The following SCYL2 variants were observed in gnomAD, a reference collection of about 807,000 sequenced individuals.
The protein encoded by SCYL2 is SCY1 like pseudokinase 2.
A neutral mutation model predicts 100.4 loss-of-function variants in SCYL2; 36 were observed. The ratio of observed to expected loss-of-function variants is 0.36; its 90% CI spans 0.27 to 0.47. SCYL2 has a LOEUF of 0.47. Ranked by LOEUF, SCYL2 falls within the 20% of genes least tolerant of loss-of-function variation. The probability of loss-of-function intolerance (pLI) is 1.00; values close to 1 mark genes in which losing one functional copy is unlikely to be tolerated. For missense variants in SCYL2, 902 were observed against 1,083.9 expected (o/e 0.83, Z 2.36); for synonymous variants, 330 against 359.2 (o/e 0.92, Z 0.92).
intron 3 of SCYL2, among the ~76,000 whole-genome samples, chr12:100,293,004 A>C (rs1242246071): frequency 6.6e-6 from 1 of 151,998 alleles, no homozygotes; most frequent in East Asian, 1.9e-4. Context: ...TTAATTTAAA[A>C]ATTTTTTGTT....
At chr12:100,330,884 A>G (rs185652640) in intron 13 of SCYL2, among the ~76,000 whole-genome samples, 5 of 142,658 alleles carry the variant, frequency 3.5e-5, no homozygotes, top group Admixed American at 2.9e-4. Flanking sequence ...ACTGGAGTGC[A>G]GTGGAGCAAT....
intron 12 of SCYL2, among the ~76,000 whole-genome samples, chr12:100,327,905 T>A (rs577240401): frequency 6.6e-6 from 1 of 152,304 alleles, no homozygotes; most frequent in South Asian, 2.1e-4. Flanking sequence ...TGGGAATGGT[T>A]AGCAAGTATT....
At chr12:100,323,717 CT>C in intron 11 of SCYL2, 79 bp downstream of exon 11, 1 of 738,312 alleles carries the variant, frequency 1.4e-6, no homozygotes, top group Non-Finnish European at 2.3e-6. Flanking sequence ...TTTAATAACC[CT>C]TTTATAGATT....
At chr12:100,315,962 A>G (rs1242190718) in intron 9 of SCYL2, among the ~76,000 whole-genome samples, 1 of 152,218 alleles carries the variant, frequency 6.6e-6, no homozygotes, top group Admixed American at 6.5e-5. Context: ...TTACTATCTC[A>G]GAAGATAAAC....
intron 2 of SCYL2, among the ~76,000 whole-genome samples, chr12:100,286,852 A>G (rs1044196982): frequency 1.3e-5 from 2 of 152,108 alleles, no homozygotes; most frequent in African/African-American, 4.8e-5. Flanking sequence ...GAAGCCAAAT[A>G]TGCTAGTCAT....
chr12:100,323,534 C>G lies in SCYL2; in HGVS notation c.1405C>G (p.Leu469Val). 1 of 1,570,236 alleles carries G rather than the reference C, an allele frequency of 6.4e-7. No individual in the cohort carries two copies. The highest frequency in any genetic ancestry group is 8.7e-7 in the Non-Finnish European group (1 of 1,145,392). Residue 469 changes from leucine (L) to valine (V), a missense_variant, in exon 11 of 18, where the codon CTA becomes GTA. Transcript: ENST00000360820. Reference protein sequence around the residue: ...APSIQIQELCLNIIPTFANLI... With the variant: ...APSIQIQELCVNIIPTFANLI... Reference sequence around the variant, plus strand: ...TTTATTTTCTTTATAGGAGCTCTGTCTAAACATCATTCCAACCTTTGCAAA... The same window carrying G: ...TTTATTTTCTTTATAGGAGCTCTGTGTAAACATCATTCCAACCTTTGCAAA...
intron 1 of SCYL2, among the ~76,000 whole-genome samples, chr12:100,268,071 G>A (rs1178113409): frequency 6.6e-6 from 1 of 152,176 alleles, no homozygotes; most frequent in Non-Finnish European, 1.5e-5. Flanking sequence ...CCTGTGATCC[G>A]TAATTAAGGA....
chr12:100,312,804 T>A, intron 6 of SCYL2, 151 bp downstream of exon 6: 1 of 583,632 alleles, frequency 1.7e-6, no homozygotes, highest in South Asian at 2.4e-5. Flanking sequence ...ATTATATTTT[T>A]ATTTTAACAA....
intron 2 of SCYL2, among the ~76,000 whole-genome samples, chr12:100,285,147 A>G (rs2096303096): frequency 6.6e-6 from 1 of 152,208 alleles, no homozygotes; most frequent in African/African-American, 2.4e-5. Flanking sequence ...TGTAACCAGC[A>G]TCCGGACCAA....
intron 1 of SCYL2, among the ~76,000 whole-genome samples, chr12:100,269,426 A>G (rs918828324): frequency 7.2e-5 from 11 of 152,052 alleles, no homozygotes; most frequent in African/African-American, 2.7e-4. Context: ...TTACCACACC[A>G]TTGAAGAGTT....
chr12:100,322,372 CAAAAAAAAAA>C (rs34959294), intron 10 of SCYL2, among the ~76,000 whole-genome samples: 5 of 61,822 alleles, frequency 8.1e-5, no homozygotes, highest in African/African-American at 1.1e-4. Context: ...GACTCCGTCT[CAAAAAAAAAA>C]AAAAAAAAAA....
chr12:100,277,208 T>C (rs2096293483), intron 1 of SCYL2, among the ~76,000 whole-genome samples: 2 of 152,218 alleles, frequency 1.3e-5, no homozygotes, highest in African/African-American at 4.8e-5. Flanking sequence ...AAACCATTTT[T>C]AGTGAATGTT....
chr12:100,279,744 A>G (rs1336545596), intron 1 of SCYL2, among the ~76,000 whole-genome samples: 3 of 152,156 alleles, frequency 2.0e-5, no homozygotes, highest in Non-Finnish European at 4.4e-5. Context: ...AAGACTCACT[A>G]CTCTGGCTGA....
At chr12:100,320,771 T>G (rs1472634713) in intron 10 of SCYL2, among the ~76,000 whole-genome samples, 3 of 152,112 alleles carry the variant, frequency 2.0e-5, no homozygotes, top group East Asian at 1.9e-4. Flanking sequence ...TTCCTGTAAG[T>G]CTGCCTATCT....
intron 2 of SCYL2, among the ~76,000 whole-genome samples, chr12:100,287,989 T>C (rs1247424957): frequency 6.6e-6 from 1 of 152,158 alleles, no homozygotes; most frequent in African/African-American, 2.4e-5. Flanking sequence ...TTGTAATATA[T>C]ATAAGGTGAC....
intron 2 of SCYL2, among the ~76,000 whole-genome samples, chr12:100,287,410 C>T (rs2096305563): frequency 6.6e-6 from 1 of 152,142 alleles, no homozygotes; most frequent in African/African-American, 2.4e-5. Context: ...CCTCCCACCT[C>T]AGCCTCCCAA....
chr12:100,300,225 C>T (rs773582990), intron 4 of SCYL2, among the ~76,000 whole-genome samples: 14 of 152,106 alleles, frequency 9.2e-5, no homozygotes, highest in Non-Finnish European at 1.8e-4. Flanking sequence ...TATTGACTTA[C>T]GTGTGGACAC....
At chr12:100,294,457 C>T (rs1371783582) in intron 3 of SCYL2, among the ~76,000 whole-genome samples, 1 of 112,702 alleles carries the variant, frequency 8.9e-6, no homozygotes. Flanking sequence ...GTAGGGGCGG[C>T]CGGGCAGAGG....
In SCYL2 at chr12:100,339,425, C is replaced by G. The variant is rs935871575; in HGVS notation, c.*253C>G. ...TTAAAGACCCAGCCCTTCCCAATCT[C>G]AAAGAGAAAAAGGAAACTGAGTTAT... On this transcript the variant is annotated 3_prime_UTR_variant, in exon 18 of 18. Transcript: ENST00000360820. 4.8e-5 allele frequency: 20 copies of G among 420,114 alleles called. No individual in the cohort carries two copies. Among genetic ancestry groups the G allele is most frequent in the African/African-American group, 3.3e-4 (16 of 48,796 alleles). The allele number at this position is 420,114 out of a possible 1,614,324, so 26.0% of individuals were successfully genotyped here. A position where few individuals can be genotyped will look rare whatever the true frequency, so the allele number is the denominator to read the frequency against.
Sources: allele counts gnomAD v4.1 joint callset (sites outside exome capture counted in the v4.1 genomes callset), GRCh38; gene constraint gnomAD v4.1.1; transcripts MANE v1.5; gene names NCBI Gene and HGNC (gene_info 2026-07-23, HGNC 2026-07-21).